Variants in PHLPP1 observed in about 807,000 individuals in gnomAD.
PHLPP1 encodes PH domain leucine-rich repeat-containing protein phosphatase 1.
Under a neutral mutation model 117.2 loss-of-function variants are expected in PHLPP1, and 42 were observed. The ratio of observed to expected loss-of-function variants is 0.36; its 90% CI spans 0.28 to 0.46. The LOEUF is 0.46. Among genes scored for constraint, PHLPP1 ranks in the 20% least tolerant of loss-of-function variants. The probability of loss-of-function intolerance (pLI) is 1.00; values close to 1 mark genes in which losing one functional copy is unlikely to be tolerated. For missense variants in PHLPP1, 2,084 were observed against 2,241.9 expected (o/e 0.93, Z 1.42); for synonymous variants, 1,042 against 970.7 (o/e 1.07, Z -1.37).
At chr18:62,879,005 T>C (rs1043662168) in intron 4 of PHLPP1, among the ~76,000 whole-genome samples, 3 of 152,212 alleles carry the variant, frequency 2.0e-5, no homozygotes, top group African/African-American at 4.8e-5. Context: ...GTTTCCCAAT[T>C]ACCTTGTAGT....
At chr18:62,808,669 A>C (rs1914025602) in intron 1 of PHLPP1, among the ~76,000 whole-genome samples, 1 of 151,608 alleles carries the variant, frequency 6.6e-6, no homozygotes. Flanking sequence ...CTCCTGCCTC[A>C]GCCTCCTGAG....
At chr18:62,849,284 A>G (rs1224526476) in intron 3 of PHLPP1, among the ~76,000 whole-genome samples, 1 of 152,214 alleles carries the variant, frequency 6.6e-6, no homozygotes, top group Non-Finnish European at 1.5e-5. Flanking sequence ...AGCGTATATG[A>G]TTAACCAGAT....
chr18:62,824,679 C>G (rs1914561141), intron 1 of PHLPP1, among the ~76,000 whole-genome samples: 1 of 152,056 alleles, frequency 6.6e-6, no homozygotes. Context: ...GTGGACGTTT[C>G]TATCATAGAA....
intron 11 of PHLPP1, among the ~76,000 whole-genome samples, chr18:62,942,354 A>T (rs1012337665): frequency 6.6e-6 from 1 of 152,254 alleles, no homozygotes; most frequent in African/African-American, 2.4e-5. Flanking sequence ...GACCCTATCT[A>T]TTAAAAAATA....
chr18:62,977,497 G>T (rs1459790695), intron 16 of PHLPP1, among the ~76,000 whole-genome samples: 1 of 146,786 alleles, frequency 6.8e-6, no homozygotes, highest in East Asian at 2.0e-4. Context: ...TTTGGTAATT[G>T]ATTTAAATAG....
Position 62,715,859 on chromosome 18 carries a change from C to T in PHLPP1, c.176C>T (p.Ala59Val). 3 of 793,918 alleles carry T rather than the reference C, an allele frequency of 3.8e-6. No individual in the cohort carries two copies. Among genetic ancestry groups the T allele is most frequent in the South Asian group, 5.4e-5 (1 of 18,372 alleles). 49.2% of individuals were successfully genotyped at this position (793,918 alleles called of 1,614,324 possible). A position where few individuals can be genotyped will look rare whatever the true frequency, so the allele number is the denominator to read the frequency against. Reference protein sequence around the residue: ...RSPEPALTPAAPSGGNGSGSG... With the variant: ...RSPEPALTPAVPSGGNGSGSG... ...CCGGAGCCCGCGCTGACCCCGGCGG[C>T]CCCGAGCGGCGGGAACGGCAGCGGC... is the stretch of plus-strand genomic sequence containing the variant. Residue 59 changes from alanine (A) to valine (V), a missense_variant, in exon 1 of 17, where the codon GCC (alanine) becomes GTC (valine). Coordinates refer to ENST00000262719, the MANE Select transcript of PHLPP1 (RefSeq NM_194449.4).
At chr18:62,858,427 T>A (rs545484461) in intron 3 of PHLPP1, among the ~76,000 whole-genome samples, 1 of 152,246 alleles carries the variant, frequency 6.6e-6, no homozygotes, top group Admixed American at 6.5e-5. Flanking sequence ...TACGCCCAGC[T>A]AATTTTTGTA....
rs568613887 is a variant in PHLPP1, at chr18:62,767,384, C to T, written c.1576+50125C>T. ...GAGCCAAAACCGCAATTCCTGCAACCACTTGAGAAAGTCCTAGAATTTGGG... is the reference window on the plus strand; with the variant it reads ...GAGCCAAAACCGCAATTCCTGCAACTACTTGAGAAAGTCCTAGAATTTGGG... On this transcript the variant is annotated intron_variant, in intron 1 of 16. Coordinates refer to ENST00000262719, the MANE Select transcript of PHLPP1 (RefSeq NM_194449.4). 2.9e-4 allele frequency among the ~76,000 whole-genome samples: 44 copies of T among 152,266 alleles called. No homozygotes were observed. The South Asian group carries it at 9.1e-3, about 32-fold the overall frequency.
intron 7 of PHLPP1, 71 bp from the exon 8 acceptor site, chr18:62,905,153 C>A: frequency 1.2e-6 from 1 of 828,134 alleles, no homozygotes; most frequent in Non-Finnish European, 1.8e-6. Flanking sequence ...TAATGACGTT[C>A]CACATACAAA....
At chr18:62,725,229 G>A (rs1568094669) in intron 1 of PHLPP1, among the ~76,000 whole-genome samples, 3 of 151,594 alleles carry the variant, frequency 2.0e-5, no homozygotes, top group South Asian at 2.1e-4. Context: ...GCCTAGTGGC[G>A]CACGCCTGTA....
At chr18:62,856,079 A>G (rs1475525449) in intron 3 of PHLPP1, among the ~76,000 whole-genome samples, 1 of 152,158 alleles carries the variant, frequency 6.6e-6, no homozygotes, top group East Asian at 1.9e-4. Flanking sequence ...CCATTTTCAG[A>G]TTCAACTAAC....
chr18:62,791,718 T>G (rs1289297973), intron 1 of PHLPP1, among the ~76,000 whole-genome samples: 5 of 152,196 alleles, frequency 3.3e-5, no homozygotes, highest in African/African-American at 1.2e-4. Flanking sequence ...TGAGGCTGGA[T>G]TTACAACAGT....
chr18:62,724,565 C>T (rs537399023), intron 1 of PHLPP1, among the ~76,000 whole-genome samples: 2 of 152,242 alleles, frequency 1.3e-5, no homozygotes, highest in Admixed American at 1.3e-4. Flanking sequence ...TTAGGACCAC[C>T]ACCTAGGATT....
At chr18:62,974,840 A>G (rs1052439783) in intron 15 of PHLPP1, among the ~76,000 whole-genome samples, 6 of 152,192 alleles carry the variant, frequency 3.9e-5, no homozygotes, top group African/African-American at 1.2e-4. Flanking sequence ...TCTTTACTAT[A>G]TAGGGCAGGA....
rs201870188 is a variant in PHLPP1, at chr18:62,905,205, T to C, written c.2648-19T>C. 5 of 272,974 alleles carry C rather than the reference T, an allele frequency of 1.8e-5. No individual in the cohort carries two copies. Among genetic ancestry groups the C allele is most frequent in the Non-Finnish European group, 2.6e-5 (5 of 192,264 alleles). The allele number at this position is 272,974 out of a possible 1,614,324, so 16.9% of individuals were successfully genotyped here. A position where few individuals can be genotyped will look rare whatever the true frequency, so the allele number is the denominator to read the frequency against. ...TTTGTATAGTAATGTCTTTGTGGGGTTTTTTTTTTTCTTCCTAGAACTTGT... is the reference window on the plus strand; with the variant it reads ...TTTGTATAGTAATGTCTTTGTGGGGCTTTTTTTTTTCTTCCTAGAACTTGT... On this transcript the variant is annotated intron_variant, in intron 7 of 16. Transcript: ENST00000262719.
At chr18:62,832,326 G>C (rs1417994907) in intron 2 of PHLPP1, 1 of 152,152 alleles carries the variant, frequency 6.6e-6, no homozygotes, top group Non-Finnish European at 1.5e-5. Flanking sequence ...ACATTTTTTC[G>C]GGTAAGAGGG....
intron 1 of PHLPP1, among the ~76,000 whole-genome samples, chr18:62,770,947 G>A (rs1270941818): frequency 1.3e-5 from 2 of 152,102 alleles, no homozygotes; most frequent in South Asian, 2.1e-4. Context: ...GTCTGGGCGC[G>A]GTGGCTCACG....
In PHLPP1 at chr18:62,716,096, C is replaced by A. The variant is rs747250714; in HGVS notation, c.413C>A (p.Ser138Tyr). The A allele has an allele frequency of 1.9e-5, 28 of 1,501,264 alleles. No homozygotes were observed. Among genetic ancestry groups the A allele is most frequent in the Non-Finnish European group, 2.6e-6 (3 of 1,133,298 alleles). The allele number at this position is 1,501,264 out of a possible 1,614,324, so 93.0% of individuals were successfully genotyped here. A position where few individuals can be genotyped will look rare whatever the true frequency, so the allele number is the denominator to read the frequency against. ...CTGTCCGCGGCCGCCGCGGCCGCCT[C>A]CTCGTCGTCGTCGTCCTCGGCCGCT... Reference protein sequence around the residue: ...RNLSAAAAAASSSSSSSAAAA... With the variant: ...RNLSAAAAAAYSSSSSSAAAA... Residue 138 changes from serine (S) to tyrosine (Y), a missense_variant, in exon 1 of 17, where the codon TCC becomes TAC. Ser to Tyr is a moderately radical substitution (Grantham distance 144). This residue lies in a region of PHLPP1 where 719 missense variants were observed against 636.0 expected (regional missense o/e 1.13). Coordinates refer to ENST00000262719, the MANE Select transcript of PHLPP1 (RefSeq NM_194449.4). This position sits in a 1 kb window ranked among gnomAD's most constrained non-coding sequence, Gnocchi z 5.7.
chr18:62,848,788 G>T (rs1415075791), intron 3 of PHLPP1, among the ~76,000 whole-genome samples: 1 of 152,114 alleles, frequency 6.6e-6, no homozygotes, highest in Non-Finnish European at 1.5e-5. Flanking sequence ...AATATCAGAA[G>T]ATAATATGTC....
Sources: allele counts gnomAD v4.1 joint callset (sites outside exome capture counted in the v4.1 genomes callset), GRCh38; gene constraint gnomAD v4.1.1; regional missense constraint gnomAD v4.1.1; non-coding constraint Gnocchi (gnomAD v3.1); transcripts MANE v1.5; gene names NCBI Gene and HGNC (gene_info 2026-07-23, HGNC 2026-07-21).